NCKAP5: variants seen among roughly 807,000 people sequenced by gnomAD.
The protein encoded by NCKAP5 is nck-associated protein 5.
In NCKAP5, 92 loss-of-function variants were observed where a neutral mutation model predicts 167.0. That is an observed-to-expected ratio of 0.55 (90% CI 0.47 to 0.66). NCKAP5 has a LOEUF of 0.66. Ranked by LOEUF, NCKAP5 falls within the 30% of genes least tolerant of loss-of-function variation. The pLI, the probability that NCKAP5 is intolerant of heterozygous loss-of-function variation, is 0.00. For synonymous variants in NCKAP5, 891 were observed against 877.4 expected, an observed-to-expected ratio of 1.02 and a Z score of -0.27; for missense variants, 2,378 against 2,315.0, an observed-to-expected ratio of 1.03 and a Z score of -0.56.
At chr2:133,083,802 C>T (rs1322086032) in intron 6 of NCKAP5, among the ~76,000 whole-genome samples, 2 of 152,068 alleles carry the variant, frequency 1.3e-5, no homozygotes, top group African/African-American at 4.8e-5. Flanking sequence ...TAAGGTGATC[C>T]CACTATGTGT....
At chr2:133,123,673 G>A in intron 6 of NCKAP5, 1 of 432,796 alleles carries the variant, frequency 2.3e-6, no homozygotes, top group South Asian at 1.7e-5. Context: ...GCCAGCCTCT[G>A]AGACAGGTCA....
At chr2:133,364,189 C>G (rs930616256) in intron 3 of NCKAP5, among the ~76,000 whole-genome samples, 9 of 152,086 alleles carry the variant, frequency 5.9e-5, no homozygotes, top group Non-Finnish European at 1.0e-4. Context: ...AGTGGCAGAG[C>G]TGGAATTCAA....
chr2:133,157,688 C>T (rs746090986), intron 5 of NCKAP5, among the ~76,000 whole-genome samples: 1 of 151,878 alleles, frequency 6.6e-6, no homozygotes, highest in Non-Finnish European at 1.5e-5. Flanking sequence ...AGTGGCTTTG[C>T]ATTTGGCACT....
chr2:133,430,610 C>A (rs1228143698), intron 3 of NCKAP5, among the ~76,000 whole-genome samples: 1 of 152,094 alleles, frequency 6.6e-6, no homozygotes, highest in Non-Finnish European at 1.5e-5. Flanking sequence ...GTTTTTCCAG[C>A]ACCATTTATT....
At chr2:133,544,411 T>C (rs1416641703) in intron 2 of NCKAP5, among the ~76,000 whole-genome samples, 2 of 152,338 alleles carry the variant, frequency 1.3e-5, no homozygotes, top group South Asian at 2.1e-4. Flanking sequence ...TTATTTAATA[T>C]GTAAGCTTTT....
intron 3 of NCKAP5, among the ~76,000 whole-genome samples, chr2:133,417,612 TC>T (rs1314349098): frequency 3.3e-5 from 5 of 152,182 alleles, no homozygotes; most frequent in African/African-American, 9.7e-5. Flanking sequence ...TTGAGAGGCC[TC>T]AGTGAGCTTT....
chr2:133,337,339 A>G (rs1443396846), intron 3 of NCKAP5, among the ~76,000 whole-genome samples: 1 of 152,140 alleles, frequency 6.6e-6, no homozygotes, highest in Non-Finnish European at 1.5e-5. Flanking sequence ...ACAACTTGAG[A>G]TGCAGGCTTA....
intron 5 of NCKAP5, among the ~76,000 whole-genome samples, chr2:133,151,254 A>G (rs1161571337): frequency 6.6e-6 from 1 of 152,186 alleles, no homozygotes; most frequent in Non-Finnish European, 1.5e-5. Context: ...TAGATACAAC[A>G]CCAAAAGCAT....
At chr2:133,180,886 G>A (rs2084702507) in intron 5 of NCKAP5, among the ~76,000 whole-genome samples, 1 of 151,984 alleles carries the variant, frequency 6.6e-6, no homozygotes, top group Non-Finnish European at 1.5e-5. Flanking sequence ...AAAATTAAAA[G>A]GTGGCCTATG....
chr2:133,072,720 T>C (rs2080458890), intron 6 of NCKAP5, among the ~76,000 whole-genome samples: 1 of 152,234 alleles, frequency 6.6e-6, no homozygotes, highest in Admixed American at 6.5e-5. Flanking sequence ...GCCTACATGT[T>C]GCTTATAGTT....
intron 3 of NCKAP5, among the ~76,000 whole-genome samples, chr2:133,494,745 T>A (rs1201001942): frequency 6.6e-6 from 1 of 152,172 alleles, no homozygotes; most frequent in Non-Finnish European, 1.5e-5. Context: ...AGTTCCAGCC[T>A]AGCTCTGGTA....
chr2:133,626,895 A>G, the NCKAP5 span, among the ~76,000 whole-genome samples: 1 of 151,996 alleles, frequency 6.6e-6, no homozygotes, highest in Non-Finnish European at 1.5e-5. Flanking sequence ...TAAGGAAAGT[A>G]GTTATTTGGG....
intron 4 of NCKAP5, among the ~76,000 whole-genome samples, chr2:133,226,500 A>G (rs1324144114): frequency 6.6e-6 from 1 of 152,024 alleles, no homozygotes; most frequent in Admixed American, 6.6e-5. Flanking sequence ...GTGGCTTTAG[A>G]GATAGGGGCC....
chr2:133,266,560 G>C (rs1328586084), intron 4 of NCKAP5: 1 of 152,304 alleles, frequency 6.6e-6, no homozygotes. Flanking sequence ...CGGGGTGGGC[G>C]CTGCGTCCCC....
chr2:132,964,440 T>C (rs900410996), intron 7 of NCKAP5, among the ~76,000 whole-genome samples: 2 of 152,224 alleles, frequency 1.3e-5, no homozygotes, highest in African/African-American at 2.4e-5. Flanking sequence ...ATTCGTACTA[T>C]GGCCTTGAGG....
intron 3 of NCKAP5, among the ~76,000 whole-genome samples, chr2:133,505,485 G>A (rs547035391): frequency 1.3e-5 from 2 of 152,322 alleles, no homozygotes; most frequent in East Asian, 3.9e-4. Context: ...TGGTCCACAT[G>A]TTTCCAGGGT....
At chr2:132,971,138 A>T (rs1349133299) in intron 7 of NCKAP5, among the ~76,000 whole-genome samples, 1 of 152,230 alleles carries the variant, frequency 6.6e-6, no homozygotes, top group East Asian at 1.9e-4. Flanking sequence ...TTGCAGAAGA[A>T]GATAGCTATT....
At chr2:132,803,775 T>C (rs1200254677) in intron 11 of NCKAP5, among the ~76,000 whole-genome samples, 1 of 152,208 alleles carries the variant, frequency 6.6e-6, no homozygotes, top group Admixed American at 6.5e-5. Flanking sequence ...TTATGAAGCA[T>C]CTACTATGTG....
At chr2:132,722,994 T>TA (rs940796625) in intron 19 of NCKAP5, among the ~76,000 whole-genome samples, 72 of 149,982 alleles carry the variant, frequency 4.8e-4, no homozygotes, top group African/African-American at 1.6e-3. Flanking sequence ...CTGTCTTATT[T>TA]AAAAAAAAAA....
Sources: allele counts gnomAD v4.1 joint callset (sites outside exome capture counted in the v4.1 genomes callset), GRCh38; gene constraint gnomAD v4.1.1; transcripts MANE v1.5; gene names NCBI Gene and HGNC (gene_info 2026-07-23, HGNC 2026-07-21).